The following ZFYVE9 variants were observed in gnomAD, a reference collection of about 807,000 sequenced individuals.
The protein encoded by ZFYVE9 is zinc finger FYVE domain-containing protein 9.
In ZFYVE9, 43 loss-of-function variants were observed where a neutral mutation model predicts 126.7. The observed-to-expected ratio is 0.34, with a 90% CI of 0.27 to 0.44. ZFYVE9 has a LOEUF of 0.44. Ranked by LOEUF, ZFYVE9 falls within the 20% of genes least tolerant of loss-of-function variation. The pLI is 1.00. For synonymous variants in ZFYVE9, 521 were observed against 597.4 expected (o/e 0.87, Z 1.87); for missense variants, 1,476 against 1,697.0 (o/e 0.87, Z 2.29).
intron 13 of ZFYVE9, among the ~76,000 whole-genome samples, chr1:52,320,015 CAA>C (rs199572576): frequency 1.6e-3 from 221 of 134,342 alleles, no homozygotes; most frequent in Non-Finnish European, 1.7e-3. Flanking sequence ...GATTCTGTCT[CAA>C]AAAAAAAAAA....
At chr1:52,160,747 T>C (rs1644450534) in intron 1 of ZFYVE9, 1 of 391,372 alleles carries the variant, frequency 2.6e-6, no homozygotes, top group Non-Finnish European at 4.5e-6. Context: ...TTTGATTCTT[T>C]ATGAATAAAA....
In ZFYVE9 at chr1:52,274,629, A is replaced by C. The variant is rs201442113; in HGVS notation, c.2746+45A>C. 5 of 1,523,424 alleles carry C rather than the reference A, an allele frequency of 3.3e-6. No individual in the cohort carries two copies. In the East Asian group the frequency reaches 1.2e-4, roughly 36 times the overall value. 94.4% of individuals were successfully genotyped at this position (1,523,424 alleles called of 1,614,324 possible). ...AAACAGTGATAGTTCTATCTGCCAA[A>C]TGTTACCTTCTAATTAAGGTAGAGA... On this transcript the variant is annotated intron_variant, in intron 8 of 18. Transcript: ENST00000287727.
At chr1:52,178,492 G>A (rs1199132527) in intron 1 of ZFYVE9, among the ~76,000 whole-genome samples, 2 of 151,606 alleles carry the variant, frequency 1.3e-5, no homozygotes, top group Non-Finnish European at 2.9e-5. Flanking sequence ...CACCATGCCC[G>A]GCTAATTTCT....
intron 1 of ZFYVE9, among the ~76,000 whole-genome samples, chr1:52,148,049 G>C (rs1164518687): frequency 6.6e-6 from 1 of 151,572 alleles, no homozygotes; most frequent in Non-Finnish European, 1.5e-5. Context: ...CAAAGTGCTG[G>C]GATTACAGGC....
At chr1:52,274,166 A>G (rs1344805924) in intron 7 of ZFYVE9, among the ~76,000 whole-genome samples, 1 of 152,148 alleles carries the variant, frequency 6.6e-6, no homozygotes, top group Non-Finnish European at 1.5e-5. Flanking sequence ...TTTTTCTCTT[A>G]TGGCAAAAGA....
In ZFYVE9 at chr1:52,266,758, C is replaced by A; in HGVS notation, c.2382C>A (p.Ala794=). Residue 794 remains alanine, a synonymous_variant, in exon 6 of 19, where the codon GCC becomes GCA. Transcript: ENST00000287727. ...STIPPLQQAQ[A]SGALSSPPPT... ...TCCCTCCCTTGCAGCAAGCTCAGGC[C>A]TCAGGAGCTCTGAGCTCTCCACCTC... The A allele has an allele frequency of 6.2e-7, 1 of 1,612,284 alleles. No individual in the cohort carries two copies. Among genetic ancestry groups the A allele is most frequent in the Middle Eastern group, 1.7e-4 (1 of 6,060 alleles).
chr1:52,163,824 AAAGTT>A (rs1211103977), intron 1 of ZFYVE9, among the ~76,000 whole-genome samples: 2 of 152,184 alleles, frequency 1.3e-5, no homozygotes, highest in African/African-American at 4.8e-5. Context: ...TAAAAAAAAA[AAAGTT>A]AAATACGATA....
At chr1:52,269,032 T>C (rs1645661287) in intron 7 of ZFYVE9, among the ~76,000 whole-genome samples, 1 of 152,202 alleles carries the variant, frequency 6.6e-6, no homozygotes, top group African/African-American at 2.4e-5. Context: ...AAACCCTGGC[T>C]TATCAACATC....
rs1644878416 is a variant in ZFYVE9 at position 52,198,066 on chromosome 1, T to C, written c.-142-18303T>C. Among the ~76,000 whole-genome samples, 4 of 151,292 alleles carry C rather than the reference T, an allele frequency of 2.6e-5. No homozygotes were observed. In the South Asian group the frequency reaches 8.3e-4, roughly 32 times the overall value. ...GGGAGCCAAACTGGAAGAGCACCTA[T>C]AGGCAGAGATTTTCTTTGGGTTGTC... On this transcript the variant is annotated intron_variant, in intron 1 of 18. Coordinates refer to ENST00000287727, the MANE Select transcript of ZFYVE9 (RefSeq NM_004799.4).
chr1:52,163,264 C>G (rs890013866), intron 1 of ZFYVE9, among the ~76,000 whole-genome samples: 1 of 152,150 alleles, frequency 6.6e-6, no homozygotes, highest in Non-Finnish European at 1.5e-5. Flanking sequence ...GGAAAAAACT[C>G]TTCAGTTTCT....
At chr1:52,269,791 T>G (rs1482752314) in intron 7 of ZFYVE9, among the ~76,000 whole-genome samples, 1 of 151,684 alleles carries the variant, frequency 6.6e-6, no homozygotes, top group Non-Finnish European at 1.5e-5. Context: ...TTTGTTTGTT[T>G]TGGTTTTTTT....
chr1:52,291,092 G>A (rs1378231293), intron 10 of ZFYVE9, among the ~76,000 whole-genome samples: 1 of 152,172 alleles, frequency 6.6e-6, no homozygotes, highest in Non-Finnish European at 1.5e-5. Flanking sequence ...ATCTGGCCTA[G>A]CAGCTTAATT....
intron 1 of ZFYVE9, among the ~76,000 whole-genome samples, chr1:52,172,500 T>A (rs867075894): frequency 0.018 from 2,783 of 152,122 alleles, 107 homozygotes; most frequent in African/African-American, 0.065. Flanking sequence ...TTTTGGTTCC[T>A]TATGAACTTT....
chr1:52,183,933 A>T lies in ZFYVE9; in HGVS notation c.-142-32436A>T, dbSNP rs1287263915. 1.6e-4 allele frequency among the ~76,000 whole-genome samples: 24 copies of T among 146,934 alleles called. 1 individual carries two copies. Among genetic ancestry groups the T allele is most frequent in the Middle Eastern group, 3.6e-3 (1 of 278 alleles). On this transcript the variant is annotated intron_variant, in intron 1 of 18. Transcript: ENST00000287727. ...GCAGTGGCATGATCCTGACCTTGTG[A>T]TCCACCCACCTCGACTTCCCAAAGT...
chr1:52,284,888 G>A (rs1023913028), intron 10 of ZFYVE9, among the ~76,000 whole-genome samples: 8 of 152,200 alleles, frequency 5.3e-5, no homozygotes, highest in Non-Finnish European at 8.8e-5. Flanking sequence ...CTATAATGTA[G>A]GATAGGGACA....
intron 1 of ZFYVE9, among the ~76,000 whole-genome samples, chr1:52,178,106 C>T (rs1248867796): frequency 1.3e-5 from 2 of 151,328 alleles, no homozygotes; most frequent in African/African-American, 4.8e-5. Context: ...GGTGAAACCC[C>T]ATCTCTACTA....
Position 52,319,513 on chromosome 1 carries a change from A to G in ZFYVE9, c.3439-13255A>G, listed in dbSNP as rs556128380. Among the ~76,000 whole-genome samples the G allele has an allele frequency of 3.9e-5, 6 of 151,950 alleles. No homozygotes were observed. The East Asian group carries it at 1.2e-3, about 29-fold the overall frequency. On this transcript the variant is annotated intron_variant, in intron 13 of 18. Transcript: ENST00000287727. ...GTGGCGCATACCTATAATCCCAGCT[A>G]CTCAGGAGGTTGAGGCAGGAGAATC... is the stretch of plus-strand genomic sequence containing the variant.
At chr1:52,290,335 A>G (rs1164537019) in intron 10 of ZFYVE9, among the ~76,000 whole-genome samples, 1 of 152,062 alleles carries the variant, frequency 6.6e-6, no homozygotes, top group Non-Finnish European at 1.5e-5. Flanking sequence ...TAATCCAGTC[A>G]CCTCTCATGA....
At chr1:52,333,952 G>A (rs369872613) in intron 14 of ZFYVE9, among the ~76,000 whole-genome samples, 23 of 152,268 alleles carry the variant, frequency 1.5e-4, no homozygotes, top group African/African-American at 5.5e-4. Context: ...AGTTAGCGGG[G>A]CATGCTGGCA....
Sources: gnomAD v4.1 joint callset for allele counts (sites outside exome capture counted in the v4.1 genomes callset) on GRCh38, gnomAD v4.1.1 for gene constraint, MANE v1.5 for transcripts, NCBI Gene and HGNC (gene_info 2026-07-23, HGNC 2026-07-21) for gene names.